FAM117B: variants seen among roughly 807,000 people sequenced by gnomAD.
FAM117B encodes the protein protein FAM117B.
Under a neutral mutation model 52.8 loss-of-function variants are expected in FAM117B, and 22 were observed. That is an observed-to-expected ratio of 0.42 (90% CI 0.30 to 0.59). FAM117B has a LOEUF of 0.59. Ranked by LOEUF, FAM117B falls within the 20% of genes least tolerant of loss-of-function variation. FAM117B has a pLI of 0.22. For missense variants in FAM117B, 678 were observed against 802.6 expected, an observed-to-expected ratio of 0.84 and a Z score of 1.88; for synonymous variants, 309 against 324.1, an observed-to-expected ratio of 0.95 and a Z score of 0.50.
chr2:202,658,127 G>A (rs1000078355), intron 1 of FAM117B, among the ~76,000 whole-genome samples: 6 of 151,956 alleles, frequency 3.9e-5, no homozygotes, highest in African/African-American at 1.4e-4. Flanking sequence ...ATGAATTTAA[G>A]GGGAGAAAAA....
intron 4 of FAM117B, among the ~76,000 whole-genome samples, chr2:202,741,445 A>G (rs1418000136): frequency 1.5e-5 from 2 of 135,510 alleles, no homozygotes; most frequent in Admixed American, 1.5e-4. Context: ...AAAAAAAAAA[A>G]AGAATTGGTG....
chr2:202,638,152 C>G (rs1001560156), intron 1 of FAM117B, among the ~76,000 whole-genome samples: 1 of 152,222 alleles, frequency 6.6e-6, no homozygotes, highest in African/African-American at 2.4e-5. Flanking sequence ...GCTGGGATTA[C>G]AGGCATGAGC....
chr2:202,749,899 C>G (rs1559115371), intron 4 of FAM117B, among the ~76,000 whole-genome samples: 1 of 152,060 alleles, frequency 6.6e-6, no homozygotes, highest in Non-Finnish European at 1.5e-5. Flanking sequence ...TAAGTATGTT[C>G]TTAAGTCTAT....
At chr2:202,728,124 T>A (rs897438334) in intron 4 of FAM117B, among the ~76,000 whole-genome samples, 1 of 152,142 alleles carries the variant, frequency 6.6e-6, no homozygotes, top group Admixed American at 6.5e-5. Context: ...AGACTACATA[T>A]GTGCACCACC....
At chr2:202,683,283 C>T (rs1690491185) in intron 1 of FAM117B, among the ~76,000 whole-genome samples, 1 of 151,070 alleles carries the variant, frequency 6.6e-6, no homozygotes, top group South Asian at 2.1e-4. Context: ...CAGCCGAGAT[C>T]ACACCACTAC....
At chr2:202,646,814 G>T (rs1332342160) in intron 1 of FAM117B, among the ~76,000 whole-genome samples, 1 of 152,000 alleles carries the variant, frequency 6.6e-6, no homozygotes, top group African/African-American at 2.4e-5. Flanking sequence ...TCCTTCTAAA[G>T]AAATTCCTGT....
intron 1 of FAM117B, among the ~76,000 whole-genome samples, chr2:202,678,135 C>T (rs779247174): frequency 6.6e-6 from 1 of 152,126 alleles, no homozygotes; most frequent in Admixed American, 6.5e-5. Context: ...AGTGGAGGGA[C>T]ACCAGGGTCC....
Position 202,769,220 on chromosome 2 carries a change from A to C in FAM117B, c.*3456A>C, listed in dbSNP as rs1348009213. ...CAGTGGTTGGCTTTCACTGAAAGAA[A>C]GTGTAAAAAAAGTCAGAATTTATAG... On this transcript the variant is annotated 3_prime_UTR_variant, in exon 8 of 8. Coordinates refer to ENST00000392238, the MANE Select transcript of FAM117B (RefSeq NM_173511.4). The C allele has an allele frequency of 6.6e-6, 1 of 152,316 alleles. No homozygotes were observed. The highest frequency in any genetic ancestry group is 1.5e-5 in the Non-Finnish European group (1 of 68,030). The allele number at this position is 152,316 out of a possible 1,614,324, so 9.4% of individuals were successfully genotyped here.
At chr2:202,646,429 G>C (rs1473283181) in intron 1 of FAM117B, among the ~76,000 whole-genome samples, 2 of 152,214 alleles carry the variant, frequency 1.3e-5, no homozygotes, top group Non-Finnish European at 2.9e-5. Context: ...ACTCCCAAAA[G>C]TAGGTTTTTT....
intron 1 of FAM117B, among the ~76,000 whole-genome samples, chr2:202,667,873 T>A (rs1405928224): frequency 6.6e-6 from 1 of 151,538 alleles, no homozygotes. Context: ...AAAAGAGTAG[T>A]GGATTGAGGT....
chr2:202,641,931 G>A (rs1403338304), intron 1 of FAM117B, among the ~76,000 whole-genome samples: 1 of 150,078 alleles, frequency 6.7e-6, no homozygotes, highest in East Asian at 2.0e-4. Flanking sequence ...GAGCCACCGC[G>A]CCTGGCAGAT....
Position 202,726,311 on chromosome 2 carries a change from A to G in FAM117B, c.908A>G (p.Lys303Arg). The G allele has an allele frequency of 3.7e-6, 6 of 1,613,930 alleles. No individual in the cohort carries two copies. The highest frequency in any genetic ancestry group is 4.2e-6 in the Non-Finnish European group (5 of 1,179,972). The change falls in exon 4 of 8, where the codon AAA (lysine) becomes AGA (arginine). Residue 303 changes from lysine (K) to arginine (R), a missense_variant. This residue lies in a region of FAM117B where 583 missense variants were observed against 644.8 expected (regional missense o/e 0.90). Transcript: ENST00000392238. ...CACAGCAGTCGGCATCATCGAGATA[A>G]AGAAAGACAGTCTCCATTTCATGGC... ...SKHSSRHHRD[K>R]ERQSPFHGNH...
At chr2:202,674,928 T>G (rs1690353653) in intron 1 of FAM117B, among the ~76,000 whole-genome samples, 1 of 152,124 alleles carries the variant, frequency 6.6e-6, no homozygotes, top group African/African-American at 2.4e-5. Context: ...TCCATCACTT[T>G]CAACTTCTCA....
intron 1 of FAM117B, among the ~76,000 whole-genome samples, chr2:202,693,481 A>C (rs762609708): frequency 1.1e-4 from 17 of 152,260 alleles, no homozygotes; most frequent in Non-Finnish European, 2.4e-4. Context: ...CTGTAGTCCC[A>C]GCTACTTGGA....
intron 1 of FAM117B, among the ~76,000 whole-genome samples, chr2:202,660,605 G>C (rs549916929): frequency 6.6e-6 from 1 of 152,110 alleles, no homozygotes; most frequent in Non-Finnish European, 1.5e-5. Context: ...TCCTTTTTCA[G>C]CTCCCTGTTC....
At chr2:202,736,059 G>C (rs1691433937) in intron 4 of FAM117B, among the ~76,000 whole-genome samples, 1 of 152,142 alleles carries the variant, frequency 6.6e-6, no homozygotes, top group African/African-American at 2.4e-5. Flanking sequence ...AGCCTAGGAG[G>C]GTTTGAGAGC....
chr2:202,672,783 C>T (rs1690318713), intron 1 of FAM117B, among the ~76,000 whole-genome samples: 1 of 152,024 alleles, frequency 6.6e-6, no homozygotes, highest in African/African-American at 2.4e-5. Flanking sequence ...GCCTGTAATC[C>T]TAGCACTTTG....
chr2:202,741,478 C>T (rs1691537070), intron 4 of FAM117B, among the ~76,000 whole-genome samples: 1 of 138,032 alleles, frequency 7.2e-6, no homozygotes, highest in Non-Finnish European at 1.5e-5. Context: ...AACTCCCTTT[C>T]AGATAATATG....
chr2:202,658,487 A>G (rs777844829), intron 1 of FAM117B, among the ~76,000 whole-genome samples: 9 of 152,066 alleles, frequency 5.9e-5, no homozygotes, highest in Non-Finnish European at 1.3e-4. Context: ...TTTTTAATAG[A>G]GACAGGGTTT....
Sources: allele counts gnomAD v4.1 joint callset (sites outside exome capture counted in the v4.1 genomes callset), GRCh38; gene constraint gnomAD v4.1.1; regional missense constraint gnomAD v4.1.1; transcripts MANE v1.5; gene names NCBI Gene and HGNC (gene_info 2026-07-23, HGNC 2026-07-21).